PDZRN4: variants seen among roughly 807,000 people sequenced by gnomAD.
The protein encoded by PDZRN4 is PDZ domain-containing RING finger protein 4.
PDZRN4 carries 70 observed loss-of-function variants against 99.0 expected under a neutral mutation model. The observed-to-expected ratio is 0.71, with a 90% CI of 0.58 to 0.86. PDZRN4 has a LOEUF of 0.86. Among genes scored for constraint, PDZRN4 ranks in the 40% least tolerant of loss-of-function variants. The probability of loss-of-function intolerance (pLI) is 0.00; values close to 1 mark genes in which losing one functional copy is unlikely to be tolerated. For synonymous variants in PDZRN4, 551 were observed against 501.6 expected (o/e 1.10, Z -1.32); for missense variants, 1,474 against 1,331.2 (o/e 1.11, Z -1.67).
At chr12:41,387,680 A>G (rs1952182131) in intron 3 of PDZRN4, among the ~76,000 whole-genome samples, 1 of 152,218 alleles carries the variant, frequency 6.6e-6, no homozygotes, top group African/African-American at 2.4e-5. Context: ...GAAAAAAAGC[A>G]CAACATCACT....
chr12:41,348,398 C>T (rs534703845), intron 3 of PDZRN4, among the ~76,000 whole-genome samples: 1 of 152,112 alleles, frequency 6.6e-6, no homozygotes, highest in Non-Finnish European at 1.5e-5. Flanking sequence ...GCTGATTATG[C>T]AGAAGCAATG....
At chr12:41,240,187 A>G (rs1481286185) in intron 3 of PDZRN4, among the ~76,000 whole-genome samples, 1 of 152,190 alleles carries the variant, frequency 6.6e-6, no homozygotes, top group Admixed American at 6.5e-5. Context: ...GCATTTGACA[A>G]ATTTCTAGCT....
intron 3 of PDZRN4, among the ~76,000 whole-genome samples, chr12:41,209,193 T>G (rs1950870676): frequency 6.6e-6 from 1 of 152,098 alleles, no homozygotes; most frequent in East Asian, 1.9e-4. Flanking sequence ...TTATTTTGAA[T>G]GGAAATGAGT....
chr12:41,238,751 TTAAAAAA>T (rs1396644650), intron 3 of PDZRN4, among the ~76,000 whole-genome samples: 5 of 151,714 alleles, frequency 3.3e-5, no homozygotes, highest in Non-Finnish European at 4.4e-5. Flanking sequence ...ATGGCTATTA[TTAAAAAA>T]TAAAAAATAA....
At chr12:41,540,903 C>CGTT (rs199757826) in intron 5 of PDZRN4, among the ~76,000 whole-genome samples, 3,830 of 50,210 alleles carry the variant, frequency 0.076, 66 homozygotes, top group African/African-American at 0.22. Context: ...CCCTTTTCTT[C>CGTT]GTTGTTGTTG....
intron 3 of PDZRN4, among the ~76,000 whole-genome samples, chr12:41,435,968 T>A (rs1273792012): frequency 6.6e-6 from 1 of 152,174 alleles, no homozygotes; most frequent in Non-Finnish European, 1.5e-5. Context: ...AAGTTAAAAC[T>A]TTCAAAAGCA....
At position 41,188,916 on chromosome 12, in the gene PDZRN4, G is replaced by A. The variant is rs777373393; in HGVS notation, c.461G>A (p.Trp154Ter). ...CGCGGGGGGCCGCCGGGCGGCCGCT[G>A]GGGCCGCGGGCGGGGACCCGGGCCT... Reference protein sequence around the residue: ...GARGGPPGGRWGRGRGPGPRV... With the variant: ...GARGGPPGGR The change falls in exon 1 of 10, where the codon TGG becomes TAG. Residue 154 changes from tryptophan (W) to a stop codon, truncating the protein, a stop_gained. Transcript: ENST00000402685. LOFTEE classifies it high-confidence loss of function. The A allele has an allele frequency of 3.7e-4, 426 of 1,156,136 alleles. No homozygotes were observed. The highest frequency in any genetic ancestry group is 4.3e-4 in the Non-Finnish European group (401 of 941,122). 71.6% of individuals were successfully genotyped at this position (1,156,136 alleles called of 1,614,324 possible). A position where few individuals can be genotyped will look rare whatever the true frequency, so the allele number is the denominator to read the frequency against.
At chr12:41,440,975 A>G (rs549103760) in intron 3 of PDZRN4, among the ~76,000 whole-genome samples, 52 of 152,304 alleles carry the variant, frequency 3.4e-4, no homozygotes, top group African/African-American at 1.2e-3. Context: ...CTGACCTAAT[A>G]ACAGATTTAT....
At chr12:41,305,098 G>A (rs1951560372) in intron 3 of PDZRN4, among the ~76,000 whole-genome samples, 1 of 152,204 alleles carries the variant, frequency 6.6e-6, no homozygotes, top group Non-Finnish European at 1.5e-5. Context: ...GACATAAACT[G>A]CGAGAACAGA....
chr12:41,292,201 GAA>G (rs1344529463), intron 3 of PDZRN4, among the ~76,000 whole-genome samples: 1 of 152,172 alleles, frequency 6.6e-6, no homozygotes, highest in Non-Finnish European at 1.5e-5. Context: ...AAGGACTGAG[GAA>G]AATGGGAAGA....
At chr12:41,342,499 C>A (rs1349477173) in intron 3 of PDZRN4, among the ~76,000 whole-genome samples, 3 of 151,732 alleles carry the variant, frequency 2.0e-5, no homozygotes, top group African/African-American at 7.2e-5. Context: ...TAAACAACTC[C>A]ACAGAAAAAA....
chr12:41,359,594 T>C (rs1372376054), intron 3 of PDZRN4, among the ~76,000 whole-genome samples: 1 of 151,904 alleles, frequency 6.6e-6, no homozygotes, highest in East Asian at 1.9e-4. Flanking sequence ...TGATAGTAAA[T>C]AAGTCTCATG....
rs375808562 is a variant in PDZRN4 at position 41,238,210 on chromosome 12, G to A, written c.843+44022G>A. ...CTTTCCTTGTCAGCTGTATTCCTAGGTATTTTACTCTCTTTGTGGCAATTG... is the reference window on the plus strand; with the variant it reads ...CTTTCCTTGTCAGCTGTATTCCTAGATATTTTACTCTCTTTGTGGCAATTG... On this transcript the variant is annotated intron_variant, in intron 3 of 9. Transcript: ENST00000402685. Among the ~76,000 whole-genome samples, 30 of 152,032 alleles carry A rather than the reference G, an allele frequency of 2.0e-4. No individual in the cohort carries two copies. In the East Asian group the frequency reaches 3.3e-3, roughly 17 times the overall value.
intron 3 of PDZRN4, among the ~76,000 whole-genome samples, chr12:41,436,742 T>A (rs2120454754): frequency 6.6e-6 from 1 of 152,246 alleles, no homozygotes; most frequent in Non-Finnish European, 1.5e-5. Flanking sequence ...TTTGCAAGAG[T>A]GTGAAATGAA....
intron 5 of PDZRN4, among the ~76,000 whole-genome samples, chr12:41,523,092 C>T (rs1938519127): frequency 6.6e-6 from 1 of 152,032 alleles, no homozygotes; most frequent in Admixed American, 6.6e-5. Flanking sequence ...TCCTGTGTGA[C>T]CCCTCTGAGC....
In PDZRN4 at chr12:41,446,049, TATTGCTTCCCTCAACAA is replaced by T. The variant is rs575462826; in HGVS notation, c.844-60405_844-60389del. The stretch of plus-strand genomic sequence containing the variant: ...CTTAAAAGGGTTATTATGAATACTT[TATTGCTTCCCTCAACAA>T]AAAGCTTAAAAGGTAGCAGCCCCAT... On this transcript the variant is annotated intron_variant, in intron 3 of 9. Coordinates refer to ENST00000402685, the MANE Select transcript of PDZRN4 (RefSeq NM_001164595.2). 5.1e-3 allele frequency among the ~76,000 whole-genome samples: 775 copies of T among 152,148 alleles called. 2 individuals carry two copies. Among genetic ancestry groups the T allele is most frequent in the Non-Finnish European group, 7.5e-3 (511 of 67,980 alleles).
At chr12:41,352,821 T>C (rs1951900805) in intron 3 of PDZRN4, among the ~76,000 whole-genome samples, 1 of 152,148 alleles carries the variant, frequency 6.6e-6, no homozygotes, top group African/African-American at 2.4e-5. Context: ...TTATAGCACA[T>C]AGTCTTTATT....
intron 3 of PDZRN4, among the ~76,000 whole-genome samples, chr12:41,230,682 A>G (rs1022403166): frequency 2.0e-5 from 3 of 152,074 alleles, no homozygotes; most frequent in Non-Finnish European, 4.4e-5. Flanking sequence ...AGTGTATTTC[A>G]TCTATATCAC....
chr12:41,222,514 A>C (rs1032774390), intron 3 of PDZRN4, among the ~76,000 whole-genome samples: 1 of 151,952 alleles, frequency 6.6e-6, no homozygotes, highest in Non-Finnish European at 1.5e-5. Flanking sequence ...GTAATATATT[A>C]CTATTATTTC....
Sources: gnomAD v4.1 joint callset for allele counts (sites outside exome capture counted in the v4.1 genomes callset) on GRCh38, gnomAD v4.1.1 for gene constraint, MANE v1.5 for transcripts, NCBI Gene and HGNC (gene_info 2026-07-23, HGNC 2026-07-21) for gene names.